The following ATF2 variants were observed in gnomAD, a reference collection of about 807,000 sequenced individuals.
The protein encoded by ATF2 is cyclic AMP-dependent transcription factor ATF-2.
ATF2 carries 24 observed loss-of-function variants against 60.6 expected under a neutral mutation model. The ratio of observed to expected loss-of-function variants is 0.40; its 90% CI spans 0.29 to 0.56. ATF2 has a LOEUF of 0.56. Among genes scored for constraint, ATF2 ranks in the 20% least tolerant of loss-of-function variants. The pLI is 0.54. For missense variants in ATF2, 433 were observed against 607.7 expected, an observed-to-expected ratio of 0.71 and a Z score of 3.02; for synonymous variants, 206 against 215.4, an observed-to-expected ratio of 0.96 and a Z score of 0.38.
intron 8 of ATF2, 146 bp from the exon 9 acceptor site, chr2:175,114,254 AT>A: frequency 7.1e-7 from 1 of 1,402,332 alleles, no homozygotes; most frequent in Non-Finnish European, 9.2e-7. Flanking sequence ...AAATTTAATT[AT>A]TTTTAATTGC....
At chr2:175,082,392 C>T (rs1027711539) in intron 12 of ATF2, among the ~76,000 whole-genome samples, 4 of 152,174 alleles carry the variant, frequency 2.6e-5, no homozygotes, top group African/African-American at 7.2e-5. Context: ...GAAACACCTT[C>T]TCCAACTGGT....
chr2:175,111,217 A>G (rs762678321), intron 10 of ATF2, among the ~76,000 whole-genome samples: 1 of 152,230 alleles, frequency 6.6e-6, no homozygotes, highest in African/African-American at 2.4e-5. Context: ...TAATACTGTT[A>G]AAACCACTCA....
At chr2:175,099,859 G>A (rs1153681) in intron 10 of ATF2, among the ~76,000 whole-genome samples, 14,531 of 152,146 alleles carry the variant, frequency 0.096, 774 homozygotes, top group Middle Eastern at 0.17. Flanking sequence ...TTTATCCTTG[G>A]TGCTACCAGA....
chr2:175,154,784 C>T (rs970692766), intron 1 of ATF2, among the ~76,000 whole-genome samples: 1 of 152,232 alleles, frequency 6.6e-6, no homozygotes, highest in Non-Finnish European at 1.5e-5. Context: ...TTGGATATCA[C>T]TAACCTGTGG....
chr2:175,097,486 C>A lies in ATF2; in HGVS notation c.936G>T (p.Pro312=), dbSNP rs375064640. 14 of 1,614,082 alleles carry A rather than the reference C, an allele frequency of 8.7e-6. No individual in the cohort carries two copies. The highest frequency in any genetic ancestry group is 1.0e-5 in the Non-Finnish European group (12 of 1,179,968). Residue 312 remains proline (P), a synonymous_variant, in exon 11 of 14, where the codon CCG becomes CCT. Coordinates refer to ENST00000264110, the MANE Select transcript of ATF2 (RefSeq NM_001880.4). ...ATGTGGCTGGCTGTTGTAATGACTG[C>A]GGTCGAGATTCCTCTGACTGAGTCC... ...LVRTQSEESR[P]QSLQQPATST... is the part of the protein sequence containing the mutation.
chr2:175,150,888 T>G (rs1699270287), intron 2 of ATF2, among the ~76,000 whole-genome samples, 172 bp downstream of exon 2: 1 of 152,144 alleles, frequency 6.6e-6, no homozygotes, highest in Non-Finnish European at 1.5e-5. Context: ...CCAAAAGACA[T>G]TTCCAAATTT....
chr2:175,114,161 C>A, intron 8 of ATF2, 53 bp from the exon 9 acceptor site: 1 of 1,520,410 alleles, frequency 6.6e-7, no homozygotes, highest in South Asian at 1.2e-5. Flanking sequence ...TACCAACTGT[C>A]TCTTAAAAAT....
At position 175,074,886 on chromosome 2, in the gene ATF2, CACCAG is replaced by C. The variant is rs770839889; in HGVS notation, c.1292-56_1292-52del. The C allele has an allele frequency of 2.5e-6, 4 of 1,602,142 alleles. No homozygotes were observed. The Admixed American group carries it at 6.8e-5, about 27-fold the overall frequency. ...CATTTTCCTAAAATCGGTAAGAATG[CACCAG>C]TATGCTGAGGCAATACACAGAGTAA... On this transcript the variant is annotated intron_variant, in intron 13 of 13. Transcript: ENST00000264110.
chr2:175,127,613 C>G (rs1286179565), intron 4 of ATF2, among the ~76,000 whole-genome samples: 1 of 152,148 alleles, frequency 6.6e-6, no homozygotes, highest in East Asian at 1.9e-4. Flanking sequence ...TCTTAACCTT[C>G]TCTCTGTTGG....
intron 5 of ATF2, among the ~76,000 whole-genome samples, chr2:175,120,489 C>T (rs913451803): frequency 6.6e-6 from 1 of 151,564 alleles, no homozygotes; most frequent in Non-Finnish European, 1.5e-5. Flanking sequence ...GGGAAAACCA[C>T]CGAATATTTG....
chr2:175,080,103 C>T (rs937434224), intron 13 of ATF2, among the ~76,000 whole-genome samples: 1 of 152,090 alleles, frequency 6.6e-6, no homozygotes, highest in Admixed American at 6.6e-5. Flanking sequence ...AATTTACAAG[C>T]AGATAATTTA....
At chr2:175,161,969 C>T (rs2105367316) in intron 1 of ATF2, among the ~76,000 whole-genome samples, 1 of 152,232 alleles carries the variant, frequency 6.6e-6, no homozygotes, top group Non-Finnish European at 1.5e-5. Flanking sequence ...TCACATTGGC[C>T]AGGCTGGTCT....
At position 175,073,056 on chromosome 2, in the gene ATF2, G is replaced by C. The variant is rs770376758; in HGVS notation, c.*1553C>G. ...ACAAACTACACAACTTATTATAAAT[G>C]CATTACAGATATTTACATAGTGGAA... is the stretch of plus-strand genomic sequence containing the variant. On this transcript the variant is annotated 3_prime_UTR_variant, in exon 14 of 14. Coordinates refer to ENST00000264110, the MANE Select transcript of ATF2 (RefSeq NM_001880.4). The C allele has an allele frequency of 3.3e-5, 5 of 152,202 alleles. No individual in the cohort carries two copies. Among genetic ancestry groups the C allele is most frequent in the Non-Finnish European group, 7.4e-5 (5 of 68,002 alleles). 9.4% of individuals were successfully genotyped at this position (152,202 alleles called of 1,614,324 possible). A position where few individuals can be genotyped will look rare whatever the true frequency, so the allele number is the denominator to read the frequency against.
At chr2:175,164,706 A>G (rs1324778950) in intron 1 of ATF2, among the ~76,000 whole-genome samples, 1 of 152,224 alleles carries the variant, frequency 6.6e-6, no homozygotes, top group Non-Finnish European at 1.5e-5. Flanking sequence ...ATAGGTGAAT[A>G]CTATCCTACT....
At chr2:175,079,924 A>G (rs1225179623) in intron 13 of ATF2, among the ~76,000 whole-genome samples, 3 of 152,132 alleles carry the variant, frequency 2.0e-5, no homozygotes, top group Non-Finnish European at 4.4e-5. Context: ...GTTTGTTACA[A>G]ATTTGTATAC....
chr2:175,074,508 T>A lies in ATF2; in HGVS notation c.*101A>T. On this transcript the variant is annotated 3_prime_UTR_variant, in exon 14 of 14. Coordinates refer to ENST00000264110, the MANE Select transcript of ATF2 (RefSeq NM_001880.4). ...TTTAATTTCAAGTAAAAAAAAAAAATTTACAACCACAGATTTCGCATAAAT... is the reference window on the plus strand; with the variant it reads ...TTTAATTTCAAGTAAAAAAAAAAAAATTACAACCACAGATTTCGCATAAAT... 33 of 1,358,758 alleles carry A rather than the reference T, an allele frequency of 2.4e-5. No individual in the cohort carries two copies. The highest frequency in any genetic ancestry group is 1.2e-4 in the Admixed American group (4 of 33,610). 84.2% of individuals were successfully genotyped at this position (1,358,758 alleles called of 1,614,324 possible).
intron 13 of ATF2, among the ~76,000 whole-genome samples, chr2:175,079,986 T>A (rs944565931): frequency 6.6e-6 from 1 of 152,054 alleles, no homozygotes; most frequent in Non-Finnish European, 1.5e-5. Context: ...TCCAACACTG[T>A]GCATCTTATC....
At chr2:175,141,330 T>C (rs1008469578) in intron 2 of ATF2, among the ~76,000 whole-genome samples, 12 of 151,912 alleles carry the variant, frequency 7.9e-5, no homozygotes, top group African/African-American at 2.4e-4. Context: ...AGGTTTGAAA[T>C]GGCAACTTTC....
chr2:175,077,822 G>GGA (rs2105526549), intron 13 of ATF2, among the ~76,000 whole-genome samples: 1 of 152,202 alleles, frequency 6.6e-6, no homozygotes, highest in South Asian at 2.1e-4. Context: ...CTAGGTGAGG[G>GGA]GAGAAAATGA....
Sources: gnomAD v4.1 joint callset for allele counts (sites outside exome capture counted in the v4.1 genomes callset) on GRCh38, gnomAD v4.1.1 for gene constraint, MANE v1.5 for transcripts, NCBI Gene and HGNC (gene_info 2026-07-23, HGNC 2026-07-21) for gene names.